The following SETD7 variants were observed in gnomAD, a reference collection of about 807,000 sequenced individuals.
SETD7 encodes SET domain containing 7, histone lysine methyltransferase, also known as histone-lysine N-methyltransferase SETD7.
SETD7 carries 16 observed loss-of-function variants against 41.8 expected under a neutral mutation model. That is an observed-to-expected ratio of 0.38 (90% CI 0.26 to 0.58). The LOEUF is 0.58. Ranked by LOEUF, SETD7 falls within the 20% of genes least tolerant of loss-of-function variation. The probability of loss-of-function intolerance (pLI) is 0.64; values close to 1 mark genes in which losing one functional copy is unlikely to be tolerated. For missense variants in SETD7, 346 were observed against 459.7 expected (o/e 0.75, Z 2.26); for synonymous variants, 163 against 169.7 (o/e 0.96, Z 0.31).
chr4:139,532,104 A>C (rs956738243), intron 3 of SETD7, among the ~76,000 whole-genome samples: 3 of 152,188 alleles, frequency 2.0e-5, no homozygotes, highest in Non-Finnish European at 4.4e-5. Flanking sequence ...AAAACAAAAA[A>C]AGAGTATTTT....
intron 4 of SETD7, among the ~76,000 whole-genome samples, chr4:139,528,803 G>A (rs1727400647): frequency 6.6e-6 from 1 of 152,156 alleles, no homozygotes; most frequent in Non-Finnish European, 1.5e-5. Flanking sequence ...GTCTGGCCTG[G>A]CCCCCTAAGC....
rs541056442 is a variant in SETD7 at position 139,515,322 on chromosome 4, G to A, written c.920+2563C>T. Reference sequence around the variant, plus strand: ...ACTAAGATTTGGTCACCCTGGGCTTGCTTGCAAACAAACTAACAAACAACA... The same window carrying A: ...ACTAAGATTTGGTCACCCTGGGCTTACTTGCAAACAAACTAACAAACAACA... On this transcript the variant is annotated intron_variant, in intron 7 of 7. Coordinates refer to ENST00000274031, the MANE Select transcript of SETD7 (RefSeq NM_030648.4). 2.9e-4 allele frequency among the ~76,000 whole-genome samples: 44 copies of A among 152,292 alleles called. 1 individual carries two copies. In the South Asian group the frequency reaches 3.7e-3, roughly 13 times the overall value.
chr4:139,525,263 G>T (rs1727294118), intron 4 of SETD7, among the ~76,000 whole-genome samples: 1 of 152,328 alleles, frequency 6.6e-6, no homozygotes, highest in African/African-American at 2.4e-5. Context: ...ACTAGGGACT[G>T]TGTAGATACA....
rs1219229136 is a variant in SETD7, at chr4:139,517,938, G to A, written c.867C>T (p.Ala289=). Residue 289 remains alanine (A), a synonymous_variant, in exon 7 of 8, where the codon GCC becomes GCT. Transcript: ENST00000274031. Reference sequence around the variant, plus strand: ...AGTGATTTGCCTTGTGTCCCAAGGAGGCACAGTACTTGGATACGTGGTTAT... The same window carrying A: ...AGTGATTTGCCTTGTGTCCCAAGGAAGCACAGTACTTGGATACGTGGTTAT... ...EPYNHVSKYC[A]SLGHKANHSF... 2.5e-6 allele frequency: 4 copies of A among 1,614,028 alleles called. No homozygotes were observed. The highest frequency in any genetic ancestry group is 8.5e-7 in the Non-Finnish European group (1 of 1,179,932).
At position 139,518,037 on chromosome 4, in the gene SETD7, G is replaced by A; in HGVS notation, c.768C>T (p.Asp256=). ...NGVRITHQEV[D]SRDWALNGNT... is the part of the protein sequence containing the mutation. ...TCCCATTAAGGGCCCAGTCCCTGCTGTCAACCTGCAGAAAACAAGAAAGCG... is the reference window on the plus strand; with the variant it reads ...TCCCATTAAGGGCCCAGTCCCTGCTATCAACCTGCAGAAAACAAGAAAGCG... Residue 256 remains aspartate, a synonymous_variant, in exon 7 of 8, where the codon GAC becomes GAT. Coordinates refer to ENST00000274031, the MANE Select transcript of SETD7 (RefSeq NM_030648.4). 1.2e-6 allele frequency: 2 copies of A among 1,612,496 alleles called. No homozygotes were observed. The highest frequency in any genetic ancestry group is 1.7e-6 in the Non-Finnish European group (2 of 1,179,270).
downstream of SETD7, among the ~76,000 whole-genome samples, chr4:139,503,179 GAAAAAAAAA>G (rs11388022): frequency 1.4e-5 from 1 of 73,160 alleles, no homozygotes. Context: ...CTCTGTCTCA[GAAAAAAAAA>G]AAAAAAAAAA....
At chr4:139,493,768 G>A (rs1287927605), downstream of SETD7, among the ~76,000 whole-genome samples, 3 of 152,082 alleles carry the variant, frequency 2.0e-5, 1 homozygote, top group Admixed American at 2.0e-4. Flanking sequence ...TCGAACTCCT[G>A]GGCTCAAGTG....
downstream of SETD7, among the ~76,000 whole-genome samples, chr4:139,504,769 C>G (rs1030976651): frequency 6.6e-6 from 1 of 152,112 alleles, no homozygotes; most frequent in African/African-American, 2.4e-5. Flanking sequence ...ATAATTTTGT[C>G]TTAATTTTCA....
At position 139,526,044 on chromosome 4, in the gene SETD7, G is replaced by T. The variant is rs546819134; in HGVS notation, c.563-2609C>A. 2.1e-3 allele frequency among the ~76,000 whole-genome samples: 237 copies of T among 114,892 alleles called. 3 individuals are homozygous for T. In the Middle Eastern group the frequency reaches 0.032, roughly 15 times the overall value. 75.4% of individuals were successfully genotyped at this position (114,892 alleles called of 152,430 possible). On this transcript the variant is annotated intron_variant, in intron 4 of 7. Transcript: ENST00000274031. ...CAGAAGGTTTTTGTTGTTGTTGTTT[G>T]TTTTTGTTTGTTTGTTTGTTTGTTT...
chr4:139,521,744 A>G (rs1727185644), intron 5 of SETD7, among the ~76,000 whole-genome samples: 1 of 152,178 alleles, frequency 6.6e-6, no homozygotes, highest in Non-Finnish European at 1.5e-5. Flanking sequence ...AAGTGGCTGC[A>G]GGCAAGTCTC....
chr4:139,537,865 C>A (rs1727681609), intron 2 of SETD7, among the ~76,000 whole-genome samples: 1 of 152,176 alleles, frequency 6.6e-6, no homozygotes, highest in Non-Finnish European at 1.5e-5. Flanking sequence ...TTCATTTCTT[C>A]ATTTGTAAAC....
chr4:139,552,713 C>A (rs144691599), intron 1 of SETD7, among the ~76,000 whole-genome samples: 1 of 152,146 alleles, frequency 6.6e-6, no homozygotes, highest in Admixed American at 6.5e-5. Context: ...TCCATGCCTC[C>A]GTGTCTTCAC....
chr4:139,529,529 G>T (rs2111147252), intron 3 of SETD7, among the ~76,000 whole-genome samples: 1 of 152,274 alleles, frequency 6.6e-6, no homozygotes. Context: ...GGTTTACTAA[G>T]AAATAAATGA....
chr4:139,504,085 T>C (rs1028958870), downstream of SETD7, among the ~76,000 whole-genome samples: 3 of 152,200 alleles, frequency 2.0e-5, no homozygotes, highest in Admixed American at 6.5e-5. Context: ...GAATTAACTG[T>C]AGGGCCACTC....
intron 3 of SETD7, among the ~76,000 whole-genome samples, chr4:139,531,779 C>T (rs1727487761): frequency 6.6e-6 from 1 of 152,056 alleles, no homozygotes; most frequent in South Asian, 2.1e-4. Context: ...ACTTTTTAAT[C>T]ATAAGGTTTC....
chr4:139,497,998 G>A (rs1411975243), intron 7 of SETD7, among the ~76,000 whole-genome samples: 3 of 152,160 alleles, frequency 2.0e-5, no homozygotes, highest in Admixed American at 6.5e-5. Flanking sequence ...TTTGGAAATA[G>A]AAATAAAAAC....
At chr4:139,546,599 C>A in intron 2 of SETD7, 1 of 369,180 alleles carries the variant, frequency 2.7e-6, no homozygotes, top group South Asian at 2.3e-5. Context: ...AGATGCGCTA[C>A]CGGAATGATC....
intron 4 of SETD7, among the ~76,000 whole-genome samples, chr4:139,525,195 A>G (rs1352902566): frequency 6.6e-6 from 1 of 152,192 alleles, no homozygotes; most frequent in Non-Finnish European, 1.5e-5. Flanking sequence ...AATTCCATCT[A>G]GCTCCTTAGA....
rs1726774538 is a variant in SETD7 at position 139,508,615 on chromosome 4, C to T, written c.*3048G>A. 1.3e-5 allele frequency: 2 copies of T among 152,244 alleles called. No homozygotes were observed. The highest frequency in any genetic ancestry group is 3.9e-4 in the East Asian group (2 of 5,190). 9.4% of individuals were successfully genotyped at this position (152,244 alleles called of 1,614,324 possible). A position where few individuals can be genotyped will look rare whatever the true frequency, so the allele number is the denominator to read the frequency against. ...GTGAATCTCCTTGAGATTACAGTGT[C>T]GCACACACACATAGGCTCCCGCTGT... On this transcript the variant is annotated 3_prime_UTR_variant, in exon 8 of 8. Coordinates refer to ENST00000274031, the MANE Select transcript of SETD7 (RefSeq NM_030648.4).
Sources: allele counts gnomAD v4.1 joint callset (sites outside exome capture counted in the v4.1 genomes callset), GRCh38; gene constraint gnomAD v4.1.1; transcripts MANE v1.5; gene names NCBI Gene and HGNC (gene_info 2026-07-23, HGNC 2026-07-21).